CMSS1: variants seen among roughly 807,000 people sequenced by gnomAD.
CMSS1 encodes protein CMSS1.
In CMSS1, 33 loss-of-function variants were observed where a neutral mutation model predicts 43.5. That is an observed-to-expected ratio of 0.76 (90% CI 0.57 to 1.01). CMSS1 has a LOEUF of 1.01. Among genes scored for constraint, CMSS1 ranks in the 50% least tolerant of loss-of-function variants. CMSS1 has a pLI of 0.00. For missense variants in CMSS1, 313 were observed against 326.4 expected, an observed-to-expected ratio of 0.96 and a Z score of 0.32; for synonymous variants, 115 against 117.2, an observed-to-expected ratio of 0.98 and a Z score of 0.12.
At chr3:100,137,664 G>A (rs1295058997) in intron 1 of CMSS1, among the ~76,000 whole-genome samples, 1 of 151,428 alleles carries the variant, frequency 6.6e-6, no homozygotes. Flanking sequence ...CTGGGTTCAC[G>A]CCATTCTCCT....
At chr3:100,044,997 C>T (rs542365408) in intron 1 of CMSS1, among the ~76,000 whole-genome samples, 55 of 152,156 alleles carry the variant, frequency 3.6e-4, no homozygotes, top group Middle Eastern at 6.8e-3. Flanking sequence ...CTAGCCTGGG[C>T]GTAGAGAGGA....
intron 1 of CMSS1, among the ~76,000 whole-genome samples, chr3:99,951,720 A>G (rs1451341524): frequency 6.6e-6 from 1 of 152,188 alleles, no homozygotes; most frequent in African/African-American, 2.4e-5. Context: ...AATTGACCCA[A>G]TAGGTACCCT....
intron 1 of CMSS1, among the ~76,000 whole-genome samples, chr3:99,927,462 T>A (rs1355448333): frequency 6.6e-6 from 1 of 151,430 alleles, no homozygotes; most frequent in African/African-American, 2.4e-5. Flanking sequence ...CTCCGCCTCC[T>A]GGGTTCAAGC....
chr3:100,151,046 C>T (rs778813717), intron 2 of CMSS1, among the ~76,000 whole-genome samples: 1 of 152,102 alleles, frequency 6.6e-6, no homozygotes, highest in African/African-American at 2.4e-5. Flanking sequence ...TCTCCCTTTC[C>T]CTTCTTGCTC....
intron 1 of CMSS1, among the ~76,000 whole-genome samples, chr3:99,905,011 C>G (rs1241319873): frequency 6.6e-6 from 1 of 152,208 alleles, no homozygotes; most frequent in East Asian, 1.9e-4. Context: ...GATCCAAAAG[C>G]CTTCACTCTG....
chr3:100,102,235 C>T (rs1409978858), intron 1 of CMSS1, among the ~76,000 whole-genome samples: 3 of 152,134 alleles, frequency 2.0e-5, no homozygotes, highest in Non-Finnish European at 4.4e-5. Flanking sequence ...ACAGTCCCAT[C>T]AACAGTGTAA....
intron 1 of CMSS1, among the ~76,000 whole-genome samples, chr3:99,977,759 A>G (rs1709013463): frequency 1.3e-5 from 2 of 152,306 alleles, no homozygotes; most frequent in South Asian, 4.1e-4. Context: ...GATCAGGACT[A>G]CTGGGTCAGT....
chr3:99,889,478 A>G (rs546796605), intron 1 of CMSS1, among the ~76,000 whole-genome samples: 213 of 152,196 alleles, frequency 1.4e-3, no homozygotes, highest in Non-Finnish European at 2.3e-3. Flanking sequence ...GGTGAGTCTC[A>G]TATAAATAAC....
At position 99,995,902 on chromosome 3, in the gene CMSS1, G is replaced by A. The variant is rs140332408; in HGVS notation, c.65-151071G>A. Reference sequence around the variant, plus strand: ...GCCCAGCCCAGGAAACCATTTTCTCGTAGGCCTCTGGGCTGATGACTGGAG... The same window carrying A: ...GCCCAGCCCAGGAAACCATTTTCTCATAGGCCTCTGGGCTGATGACTGGAG... On this transcript the variant is annotated intron_variant, in intron 1 of 9. Coordinates refer to ENST00000421999, the MANE Select transcript of CMSS1 (RefSeq NM_032359.4). Among the ~76,000 whole-genome samples the A allele has an allele frequency of 4.8e-3, 736 of 152,250 alleles. 2 individuals are homozygous for A. The highest frequency in any genetic ancestry group is 0.012 in the South Asian group (56 of 4,824).
chr3:99,873,654 C>T (rs184812539), intron 1 of CMSS1, among the ~76,000 whole-genome samples: 4 of 152,184 alleles, frequency 2.6e-5, no homozygotes, highest in African/African-American at 7.2e-5. Context: ...CCATTTATTA[C>T]CAAAGGCACT....
At chr3:99,838,091 C>G (rs1285178793) in intron 1 of CMSS1, among the ~76,000 whole-genome samples, 1 of 152,240 alleles carries the variant, frequency 6.6e-6, no homozygotes, top group African/African-American at 2.4e-5. Context: ...CAAGCTCATT[C>G]TTCATGCTTG....
chr3:100,160,200 A>G (rs1430413051), intron 2 of CMSS1, among the ~76,000 whole-genome samples: 1 of 152,218 alleles, frequency 6.6e-6, no homozygotes. Flanking sequence ...GATCTTGCTC[A>G]AAGATTCTCC....
chr3:100,116,590 C>A (rs534620809), intron 1 of CMSS1, among the ~76,000 whole-genome samples: 66 of 152,274 alleles, frequency 4.3e-4, no homozygotes, highest in African/African-American at 1.5e-3. Flanking sequence ...TGCTTCCAGG[C>A]CCTTTCAGGT....
chr3:99,906,018 C>A (rs1159310441), intron 1 of CMSS1, among the ~76,000 whole-genome samples: 2 of 152,100 alleles, frequency 1.3e-5, no homozygotes, highest in Admixed American at 1.3e-4. Context: ...CATGGAGAAA[C>A]CCTGTCTCTA....
chr3:99,852,847 C>A (rs1473719791), intron 1 of CMSS1, among the ~76,000 whole-genome samples: 1 of 152,178 alleles, frequency 6.6e-6, no homozygotes, highest in African/African-American at 2.4e-5. Context: ...TCTGTAATTA[C>A]ATTCCATAGG....
chr3:100,167,403 A>G (rs1321266689), intron 5 of CMSS1, among the ~76,000 whole-genome samples: 3 of 152,234 alleles, frequency 2.0e-5, no homozygotes, highest in Non-Finnish European at 4.4e-5. Flanking sequence ...ACATGATTGA[A>G]TCAGCATTTG....
At position 100,025,816 on chromosome 3, in the gene CMSS1, T is replaced by G. The variant is rs13326499; in HGVS notation, c.65-121157T>G. Reference sequence around the variant, plus strand: ...AAGCTCTGCTGTAGTCGACCTCCATTTTTTGTTGGTAAGCCCAGGGAAGAT... The same window carrying G: ...AAGCTCTGCTGTAGTCGACCTCCATGTTTTGTTGGTAAGCCCAGGGAAGAT... On this transcript the variant is annotated intron_variant, in intron 1 of 9. Transcript: ENST00000421999. 5.5e-3 allele frequency among the ~76,000 whole-genome samples: 836 copies of G among 152,234 alleles called. 5 individuals are homozygous for G. Among genetic ancestry groups the G allele is most frequent in the African/African-American group, 0.019 (787 of 41,546 alleles).
chr3:99,952,802 C>T (rs1241754804), intron 1 of CMSS1, among the ~76,000 whole-genome samples: 1 of 152,040 alleles, frequency 6.6e-6, no homozygotes, highest in African/African-American at 2.4e-5. Flanking sequence ...CACAAGAAAA[C>T]GTGTCTTACA....
intron 1 of CMSS1, among the ~76,000 whole-genome samples, chr3:100,136,387 G>A (rs2107503334): frequency 6.6e-6 from 1 of 152,316 alleles, no homozygotes; most frequent in South Asian, 2.1e-4. Flanking sequence ...CTGGACCCCA[G>A]GACTGCAGGA....
Sources: gnomAD v4.1 joint callset for allele counts (sites outside exome capture counted in the v4.1 genomes callset) on GRCh38, gnomAD v4.1.1 for gene constraint, MANE v1.5 for transcripts, NCBI Gene and HGNC (gene_info 2026-07-23, HGNC 2026-07-21) for gene names.